Variants in WNT7B observed in about 807,000 individuals in gnomAD.
WNT7B encodes the protein protein Wnt-7b.
In WNT7B, 19 loss-of-function variants were observed where a neutral mutation model predicts 38.2. The ratio of observed to expected loss-of-function variants is 0.50; its 90% CI spans 0.35 to 0.73. The LOEUF is 0.73. WNT7B is among the 30% of genes least tolerant of loss of function. The probability of loss-of-function intolerance (pLI) is 0.01; values close to 1 mark genes in which losing one functional copy is unlikely to be tolerated. For synonymous variants in WNT7B, 243 were observed against 209.3 expected, an observed-to-expected ratio of 1.16 and a Z score of -1.39; for missense variants, 423 against 507.9, an observed-to-expected ratio of 0.83 and a Z score of 1.61.
chr22:45,970,036 A>G (rs951865347), intron 1 of WNT7B, among the ~76,000 whole-genome samples: 5 of 152,214 alleles, frequency 3.3e-5, no homozygotes, highest in African/African-American at 1.2e-4. Flanking sequence ...GCTTTCATTC[A>G]AACCGAATCG....
intron 2 of WNT7B, among the ~76,000 whole-genome samples, chr22:45,934,609 T>G (rs1411511371): frequency 6.6e-6 from 1 of 152,186 alleles, no homozygotes; most frequent in Non-Finnish European, 1.5e-5. Context: ...GCCACTGTCC[T>G]GAAGTCCCTG....
At chr22:45,972,115 A>AGGGGGGGGGG in intron 1 of WNT7B, 2 of 356,306 alleles carry the variant, frequency 5.6e-6, no homozygotes, top group East Asian at 9.2e-5. Flanking sequence ...GCCCGGGGGG[A>AGGGGGGGGGG]GCCCACCCGC....
intron 3 of WNT7B, among the ~76,000 whole-genome samples, chr22:45,929,071 C>G (rs113245422): frequency 6.6e-6 from 1 of 152,066 alleles, no homozygotes; most frequent in African/African-American, 2.4e-5. Flanking sequence ...GTTTCTTCCC[C>G]GGGGGTGTGG....
At chr22:45,969,294 C>T (rs1932380083) in intron 1 of WNT7B, among the ~76,000 whole-genome samples, 1 of 152,262 alleles carries the variant, frequency 6.6e-6, no homozygotes, top group African/African-American at 2.4e-5. Flanking sequence ...GTCACCATGA[C>T]AGGCTCCTAC....
chr22:45,926,189 C>T, intron 3 of WNT7B: 2 of 985,430 alleles, frequency 2.0e-6, no homozygotes, highest in East Asian at 1.1e-4. Context: ...TCACAGGGTT[C>T]AAGAATGTGC....
At chr22:45,963,570 T>TAGAGA (rs1260525384) in intron 1 of WNT7B, among the ~76,000 whole-genome samples, 1 of 151,886 alleles carries the variant, frequency 6.6e-6, no homozygotes, top group African/African-American at 2.4e-5. Flanking sequence ...AGCAGCATCT[T>TAGAGA]GGGCCAGGCC....
At chr22:45,946,474 T>G (rs987722880) in intron 2 of WNT7B, among the ~76,000 whole-genome samples, 1 of 152,208 alleles carries the variant, frequency 6.6e-6, no homozygotes, top group African/African-American at 2.4e-5. Flanking sequence ...ACGCTGCCCC[T>G]TCGTTCTCCT....
intron 2 of WNT7B, among the ~76,000 whole-genome samples, chr22:45,934,487 A>C (rs903915034): frequency 2.0e-5 from 3 of 152,182 alleles, no homozygotes. Context: ...GTGCGGGCCC[A>C]GCCGGTGGAC....
chr22:45,960,599 G>A (rs1386777244), intron 1 of WNT7B, among the ~76,000 whole-genome samples: 1 of 152,234 alleles, frequency 6.6e-6, no homozygotes, highest in Non-Finnish European at 1.5e-5. Flanking sequence ...GGCGGCCCTG[G>A]GCTCCTGCGG....
chr22:45,944,138 G>A (rs533745166), intron 2 of WNT7B, among the ~76,000 whole-genome samples: 2 of 152,344 alleles, frequency 1.3e-5, no homozygotes, highest in East Asian at 1.9e-4. Flanking sequence ...GATAGGGCCT[G>A]TGTCCTTGGC....
chr22:45,954,308 G>T (rs1932009715), intron 1 of WNT7B, among the ~76,000 whole-genome samples: 1 of 152,158 alleles, frequency 6.6e-6, no homozygotes, highest in Non-Finnish European at 1.5e-5. Flanking sequence ...TTCCATCTGG[G>T]GTGATGGAAA....
intron 2 of WNT7B, among the ~76,000 whole-genome samples, chr22:45,946,680 G>A (rs181733071): frequency 1.5e-3 from 209 of 143,052 alleles, no homozygotes; most frequent in African/African-American, 6.1e-3. Context: ...CCTCTGAGGC[G>A]AGCAGAGCAA....
In WNT7B at chr22:45,976,862, C is replaced by T; in HGVS notation, c.-108G>A. 9.4e-7 allele frequency: 1 copy of T among 1,060,492 alleles called. No individual in the cohort carries two copies. The highest frequency in any genetic ancestry group is 1.1e-6 in the Non-Finnish European group (1 of 871,524). The allele number at this position is 1,060,492 out of a possible 1,614,324, so 65.7% of individuals were successfully genotyped here. ...GGCTGCGGGCAGACTGCGCTCAGCC[C>T]GCGCTGCGGCTCGGGCGGCCGGCGA... On this transcript the variant is annotated 5_prime_UTR_variant, in exon 1 of 4. Coordinates refer to ENST00000339464, the MANE Select transcript of WNT7B (RefSeq NM_058238.3). This position sits in a 1 kb window ranked among gnomAD's most constrained non-coding sequence, Gnocchi z 8.5.
Position 45,976,246 on chromosome 22 carries a change from G to A in WNT7B, c.71+438C>T, listed in dbSNP as rs1030305425. ...GCTCGCGGCCGGGTGCGCGCCCCCC[G>A]CCCTCCCGGGCCTCCGCAGGCGCCG... On this transcript the variant is annotated intron_variant, in intron 1 of 3. Coordinates refer to ENST00000339464, the MANE Select transcript of WNT7B (RefSeq NM_058238.3). This position sits in a 1 kb window ranked among gnomAD's most constrained non-coding sequence, Gnocchi z 8.5. Among the ~76,000 whole-genome samples, 5 of 146,410 alleles carry A rather than the reference G, an allele frequency of 3.4e-5. No individual in the cohort carries two copies. Among genetic ancestry groups the A allele is most frequent in the Non-Finnish European group, 6.1e-5 (4 of 65,778 alleles).
intron 1 of WNT7B, among the ~76,000 whole-genome samples, chr22:45,950,418 C>T (rs1931904851): frequency 6.6e-6 from 1 of 152,368 alleles, no homozygotes; most frequent in Middle Eastern, 3.4e-3. Flanking sequence ...ATCACGCAAC[C>T]GCAAGTCCCA....
chr22:45,933,659 A>G (rs1453512263), intron 2 of WNT7B, among the ~76,000 whole-genome samples: 13 of 152,064 alleles, frequency 8.5e-5, no homozygotes, highest in Admixed American at 8.5e-4. Context: ...TCACTGACCT[A>G]CCTCCGTGGA....
chr22:45,938,509 C>T (rs955724885), intron 2 of WNT7B, among the ~76,000 whole-genome samples: 3 of 151,908 alleles, frequency 2.0e-5, no homozygotes, highest in Non-Finnish European at 2.9e-5. Flanking sequence ...TGGTGGTGTG[C>T]GCCTGTAATA....
chr22:45,976,593 C>T lies in WNT7B; in HGVS notation c.71+91G>A. 2.2e-6 allele frequency: 3 copies of T among 1,392,384 alleles called. No homozygotes were observed. Among genetic ancestry groups the T allele is most frequent in the Non-Finnish European group, 3.0e-6 (3 of 1,007,330 alleles). The allele number at this position is 1,392,384 out of a possible 1,614,324, so 86.3% of individuals were successfully genotyped here. A position where few individuals can be genotyped will look rare whatever the true frequency, so the allele number is the denominator to read the frequency against. ...CCCAGAGAGCTGCAGTGGCCCCCTC[C>T]AGTCCCCACGTCCCCACGGGGACGC... On this transcript the variant is annotated intron_variant, in intron 1 of 3. Coordinates refer to ENST00000339464, the MANE Select transcript of WNT7B (RefSeq NM_058238.3). This position sits in a 1 kb window ranked among gnomAD's most constrained non-coding sequence, Gnocchi z 8.5.
At chr22:45,963,708 G>A (rs912333470) in intron 1 of WNT7B, among the ~76,000 whole-genome samples, 17 of 152,012 alleles carry the variant, frequency 1.1e-4, no homozygotes, top group Non-Finnish European at 2.4e-4. Flanking sequence ...AATCTCCACC[G>A]TGGAAGGCGG....
Sources: allele counts gnomAD v4.1 joint callset (sites outside exome capture counted in the v4.1 genomes callset), GRCh38; gene constraint gnomAD v4.1.1; non-coding constraint Gnocchi (gnomAD v3.1); transcripts MANE v1.5; gene names NCBI Gene and HGNC (gene_info 2026-07-23, HGNC 2026-07-21).